The following NAV2 variants were observed in gnomAD, a reference collection of about 807,000 sequenced individuals.
The protein encoded by NAV2 is neuron navigator 2, also known as helicase, APC down-regulated 1.
A neutral mutation model predicts 223.2 loss-of-function variants in NAV2; 54 were observed. The observed-to-expected ratio is 0.24, with a 90% CI of 0.19 to 0.30. The LOEUF (loss-of-function observed/expected upper bound fraction) is 0.30. Ranked by LOEUF, NAV2 falls within the 10% of genes least tolerant of loss-of-function variation. NAV2 has a pLI of 1.00. For missense variants in NAV2, 2,806 were observed against 3,147.5 expected (o/e 0.89, Z 2.60); for synonymous variants, 1,279 against 1,239.3 (o/e 1.03, Z -0.67).
At chr11:20,080,262 CT>C (rs1399709027) in intron 25 of NAV2, 53 bp downstream of exon 25, 2 of 1,542,160 alleles carry the variant, frequency 1.3e-6, no homozygotes, top group Non-Finnish European at 1.8e-6. Context: ...AGTTGCAGAA[CT>C]GGCTGCTGCA....
chr11:20,069,555 T>C (rs2059267704), intron 22 of NAV2, among the ~76,000 whole-genome samples: 1 of 152,168 alleles, frequency 6.6e-6, no homozygotes, highest in Non-Finnish European at 1.5e-5. Context: ...ATGTCTGTAT[T>C]GGAGCCCTGA....
At chr11:19,758,431 G>A (rs912041546) in intron 1 of NAV2, among the ~76,000 whole-genome samples, 4 of 152,226 alleles carry the variant, frequency 2.6e-5, no homozygotes, top group African/African-American at 9.6e-5. Context: ...GGCTGAAGGA[G>A]CTGGAGCTGG....
chr11:19,676,331 G>T (rs1031472767), intron 1 of NAV2, among the ~76,000 whole-genome samples: 1 of 152,136 alleles, frequency 6.6e-6, no homozygotes, highest in Admixed American at 6.5e-5. Flanking sequence ...GTGAGCAAGA[G>T]TCTTAGTTCC....
intron 3 of NAV2, among the ~76,000 whole-genome samples, chr11:19,864,450 G>T (rs943716005): frequency 6.6e-6 from 1 of 152,216 alleles, no homozygotes; most frequent in Non-Finnish European, 1.5e-5. Flanking sequence ...TCCGAGGTTT[G>T]CATATTTTAC....
intron 3 of NAV2, among the ~76,000 whole-genome samples, chr11:19,866,867 T>C (rs1279526722): frequency 1.3e-5 from 2 of 152,176 alleles, no homozygotes; most frequent in Admixed American, 6.5e-5. Flanking sequence ...GCTTTTTCTT[T>C]TTCTCACTTT....
In NAV2 at chr11:19,632,650, G is replaced by T. The variant is rs572059808; in HGVS notation, c.76-199834G>T. Reference sequence around the variant, plus strand: ...AGCAGGGAAAGATGTGTCTCCTGAAGCTATTATTGATGGCAGTTGTTCCTA... The same window carrying T: ...AGCAGGGAAAGATGTGTCTCCTGAATCTATTATTGATGGCAGTTGTTCCTA... On this transcript the variant is annotated intron_variant, in intron 1 of 37. Transcript: ENST00000360655. Among the ~76,000 whole-genome samples the T allele has an allele frequency of 3.3e-5, 5 of 152,322 alleles. No individual in the cohort carries two copies. In the East Asian group the frequency reaches 5.8e-4, roughly 18 times the overall value.
intron 1 of NAV2, among the ~76,000 whole-genome samples, chr11:19,387,095 C>T (rs1432174220): frequency 6.6e-6 from 1 of 152,178 alleles, no homozygotes; most frequent in African/African-American, 2.4e-5. Context: ...CTCTCATTTG[C>T]TAAGTGTGCT....
At position 19,860,223 on chromosome 11, in the gene NAV2, C is replaced by T. The variant is rs1305551049; in HGVS notation, c.439-8702C>T. ...GTGGCTGCCGGGCGGAGACGCTCCT[C>T]ACTTCCCAGACGGGGTGGCTGCCGG... On this transcript the variant is annotated intron_variant, in intron 3 of 37. Coordinates refer to ENST00000349880, the MANE Select transcript of NAV2 (RefSeq NM_145117.5). Among the ~76,000 whole-genome samples the T allele has an allele frequency of 7.3e-5, 11 of 149,902 alleles. No homozygotes were observed. The East Asian group carries it at 1.8e-3, about 25-fold the overall frequency.
chr11:20,004,973 C>A lies in NAV2; in HGVS notation c.2768+20726C>A, dbSNP rs145764185. On this transcript the variant is annotated intron_variant, in intron 11 of 37. Coordinates refer to ENST00000349880, the MANE Select transcript of NAV2 (RefSeq NM_145117.5). The stretch of plus-strand genomic sequence containing the variant: ...TTAATGCAGATAGTAAGAAGTGCTT[C>A]TTGGTGGAGTTGTGAGGCTTACTTG... Among the ~76,000 whole-genome samples the A allele has an allele frequency of 3.9e-3, 592 of 152,142 alleles. 1 individual carries two copies. Among genetic ancestry groups the A allele is most frequent in the African/African-American group, 0.014 (578 of 41,504 alleles).
At position 19,626,545 on chromosome 11, in the gene NAV2, T is replaced by C. The variant is rs556347811; in HGVS notation, c.76-205939T>C. ...TGGTTCCACACAAATTTTAGAACTT[T>C]TTTTCCCATTTCTGTGAAGAATGTC... On this transcript the variant is annotated intron_variant, in intron 1 of 37. Coordinates refer to the NAV2 transcript ENST00000360655. 2.0e-5 allele frequency among the ~76,000 whole-genome samples: 3 copies of C among 152,344 alleles called. No individual in the cohort carries two copies. In the South Asian group the frequency reaches 6.2e-4, roughly 32 times the overall value.
chr11:19,620,480 C>G (rs12805946), intron 1 of NAV2, among the ~76,000 whole-genome samples: 110,260 of 151,718 alleles, frequency 0.73, 47,999 homozygotes, highest in Non-Finnish European at 0.96. Context: ...CTTCACATCC[C>G]TTGTAAGTTG....
At chr11:19,740,110 AC>A (rs1021068018) in intron 1 of NAV2, among the ~76,000 whole-genome samples, 75 of 152,284 alleles carry the variant, frequency 4.9e-4, no homozygotes, top group African/African-American at 1.7e-3. Context: ...GAAACAAAGT[AC>A]CCTGTGACAT....
rs1170110813 is a variant in NAV2 at position 19,949,019 on chromosome 11, G to A, written c.2584G>A (p.Gly862Ser). 3.1e-6 allele frequency: 5 copies of A among 1,613,806 alleles called. No homozygotes were observed. The highest frequency in any genetic ancestry group is 3.4e-6 in the Non-Finnish European group (4 of 1,179,786). The change falls in exon 10 of 38, where the codon GGC (glycine) becomes AGC (serine). Residue 862 changes from glycine to serine, a missense_variant. Gly to Ser is a moderately conservative substitution (Grantham distance 56). Around this residue, in one of 4 missense-constraint regions of NAV2, gnomAD observed 1,167 missense variants for 1,180.5 expected, o/e 0.99. Coordinates refer to ENST00000349880, the MANE Select transcript of NAV2 (RefSeq NM_145117.5). ...GGAAGGCATCAGCATGGATGCCCCC[G>A]GCTACATGAGCGACGGGGATGTTCT... ...DLEGISMDAP[G>S]YMSDGDVLSK...
intron 1 of NAV2, among the ~76,000 whole-genome samples, chr11:19,736,669 C>T: frequency 6.6e-6 from 1 of 152,212 alleles, no homozygotes; most frequent in East Asian, 1.9e-4. Context: ...GTGTCATCCA[C>T]CTCATAAAAG....
chr11:19,490,052 A>G (rs984325016), intron 1 of NAV2, among the ~76,000 whole-genome samples: 3 of 152,226 alleles, frequency 2.0e-5, no homozygotes, highest in African/African-American at 7.2e-5. Context: ...ATTATAGTCT[A>G]TTAAGATGCA....
chr11:19,418,232 G>A (rs1170120884), intron 1 of NAV2, among the ~76,000 whole-genome samples: 1 of 152,176 alleles, frequency 6.6e-6, no homozygotes. Flanking sequence ...AGTGTTCATT[G>A]AGAGCCTCCT....
intron 7 of NAV2, among the ~76,000 whole-genome samples, chr11:19,936,525 C>T (rs1473764730): frequency 6.6e-6 from 1 of 152,190 alleles, no homozygotes; most frequent in Non-Finnish European, 1.5e-5. Flanking sequence ...AATGCCCACT[C>T]TGGGTAACTA....
At chr11:20,036,163 G>A (rs1446742950) in intron 12 of NAV2, 66 bp downstream of exon 12, 1 of 1,590,650 alleles carries the variant, frequency 6.3e-7, no homozygotes, top group Non-Finnish European at 8.6e-7. Flanking sequence ...TTGGGCTTGT[G>A]GGGTAAGAGG....
intron 20 of NAV2, 31 bp downstream of exon 20, chr11:20,062,390 A>T (rs2058761318): frequency 6.4e-7 from 1 of 1,564,220 alleles, no homozygotes; most frequent in Non-Finnish European, 8.7e-7. Flanking sequence ...TGTGGCTGTG[A>T]TCATGAGAAC....
Sources: gnomAD v4.1 joint callset for allele counts (sites outside exome capture counted in the v4.1 genomes callset) on GRCh38, gnomAD v4.1.1 for gene constraint, gnomAD v4.1.1 regional missense constraint, MANE v1.5 for transcripts, NCBI Gene and HGNC (gene_info 2026-07-23, HGNC 2026-07-21) for gene names.